Variants in PTGR1 observed in about 807,000 individuals in gnomAD.
PTGR1 encodes 15-oxoprostaglandin 13-reductase.
A neutral mutation model predicts 37.7 loss-of-function variants in PTGR1; 23 were observed. That is an observed-to-expected ratio of 0.61 (90% confidence interval 0.44 to 0.86). The LOEUF (loss-of-function observed/expected upper bound fraction) is 0.86, where lower values mean the gene tolerates loss of function less well. Among genes scored for constraint, PTGR1 ranks in the 40% least tolerant of loss-of-function variants. The pLI is 0.00. For missense variants in PTGR1, 351 were observed against 394.3 expected, an observed-to-expected ratio of 0.89 and a Z score of 0.93; for synonymous variants, 134 against 140.0, an observed-to-expected ratio of 0.96 and a Z score of 0.30.
chr9:111,549,797 G>T (rs1210107226), exon 10 of PTGR1: 41 of 1,527,652 alleles, frequency 2.7e-5, no homozygotes, highest in Non-Finnish European at 3.6e-5. Context: ...TTTCTCTTTT[G>T]ATCTGTCAAC....
intron 8 of PTGR1, among the ~76,000 whole-genome samples, chr9:111,573,431 G>T (rs1348690846): frequency 6.6e-6 from 1 of 152,168 alleles, no homozygotes; most frequent in Non-Finnish European, 1.5e-5. Context: ...CCATACAGTT[G>T]TGTGGTGGTT....
chr9:111,589,208 T>C (rs1376333921), intron 4 of PTGR1: 1 of 174,874 alleles, frequency 5.7e-6, no homozygotes, highest in Non-Finnish European at 1.1e-5. Context: ...ATAAGACCTA[T>C]ATGAAGAAAA....
chr9:111,570,512 T>C (rs1438154435), intron 8 of PTGR1, among the ~76,000 whole-genome samples: 2 of 152,038 alleles, frequency 1.3e-5, no homozygotes, highest in Non-Finnish European at 2.9e-5. Flanking sequence ...GGCTCACACC[T>C]GTAATCCCAG....
At chr9:111,586,727 C>G (rs1829439906) in intron 4 of PTGR1, among the ~76,000 whole-genome samples, 2 of 151,924 alleles carry the variant, frequency 1.3e-5, no homozygotes, top group African/African-American at 4.8e-5. Context: ...ACAACAACCT[C>G]CTGAGCACAA....
chr9:111,564,267 A>G (rs7036102), intron 9 of PTGR1: 36,874 of 842,874 alleles, frequency 0.044, 1,200 homozygotes, highest in African/African-American at 0.14. Context: ...GGGAAGCTGA[A>G]ATTTAAACTT....
chr9:111,586,801 CTCTATATA>C (rs1206348146), intron 4 of PTGR1, among the ~76,000 whole-genome samples: 1 of 146,940 alleles, frequency 6.8e-6, no homozygotes, highest in Admixed American at 6.8e-5. Flanking sequence ...CTCTCTCTCT[CTCTATATA>C]TATATATATA....
Position 111,551,417 on chromosome 9 carries a change from T to G in PTGR1, c.880-1618A>C, listed in dbSNP as rs545881114. On this transcript the variant is annotated intron_variant, in intron 9 of 9. Transcript: ENST00000538962. The stretch of plus-strand genomic sequence containing the variant: ...CAGTTTTTGTTTTTTTTTTTTTTTT[T>G]TTTTTTTTGAGATGGAGTCTCACTC... 3.7e-3 allele frequency among the ~76,000 whole-genome samples: 522 copies of G among 142,292 alleles called. 3 individuals are homozygous for G. Among genetic ancestry groups the G allele is most frequent in the African/African-American group, 0.013 (488 of 38,418 alleles). The allele number at this position is 142,292 out of a possible 152,430, so 93.3% of individuals were successfully genotyped here. A position where few individuals can be genotyped will look rare whatever the true frequency, so the allele number is the denominator to read the frequency against.
intron 9 of PTGR1, among the ~76,000 whole-genome samples, chr9:111,568,896 G>A (rs572060246): frequency 6.6e-6 from 1 of 152,314 alleles, no homozygotes; most frequent in East Asian, 1.9e-4. Context: ...GGTGGGAGAA[G>A]TGTTCAGATT....
At chr9:111,583,450 G>A (rs761240612) in intron 6 of PTGR1, 22 bp downstream of exon 6, 2 of 1,552,886 alleles carry the variant, frequency 1.3e-6, no homozygotes, top group South Asian at 1.1e-5. Context: ...ATAAAGGCTT[G>A]TTACTGGAGA....
At chr9:111,564,281 TTA>T (rs1828451925) in intron 9 of PTGR1, 10 of 297,546 alleles carry the variant, frequency 3.4e-5, no homozygotes, top group Middle Eastern at 1.4e-3. Flanking sequence ...TAAACTTTTA[TTA>T]TTATTATTAT....
intron 6 of PTGR1, among the ~76,000 whole-genome samples, chr9:111,581,600 T>G (rs1829282755): frequency 6.6e-6 from 1 of 152,106 alleles, no homozygotes; most frequent in Non-Finnish European, 1.5e-5. Flanking sequence ...GTAGAGCAAT[T>G]TTATAGAGCT....
intron 8 of PTGR1, among the ~76,000 whole-genome samples, chr9:111,573,913 A>G (rs566313946): frequency 6.6e-6 from 1 of 152,280 alleles, no homozygotes; most frequent in South Asian, 2.1e-4. Flanking sequence ...GCACCAGAGA[A>G]ATAAAACAAG....
At chr9:111,560,251 C>G (rs1354227913), downstream of PTGR1, among the ~76,000 whole-genome samples, 1 of 151,262 alleles carries the variant, frequency 6.6e-6, no homozygotes. Flanking sequence ...GAGGCCAAGG[C>G]GGGTGGATCA....
At chr9:111,566,212 T>A (rs1016932785) in intron 9 of PTGR1, among the ~76,000 whole-genome samples, 31 of 151,426 alleles carry the variant, frequency 2.0e-4, no homozygotes, top group Admixed American at 5.3e-4. Context: ...CAAAAATAAA[T>A]AAATAAATAA....
At chr9:111,554,302 CT>C (rs75000190) in intron 9 of PTGR1, among the ~76,000 whole-genome samples, 10,988 of 152,244 alleles carry the variant, frequency 0.072, 610 homozygotes, top group East Asian at 0.26. Context: ...CAACCTCTGT[CT>C]TAGAAGTCAC....
intron 5 of PTGR1, among the ~76,000 whole-genome samples, chr9:111,584,879 T>C (rs1829386363): frequency 6.6e-6 from 1 of 152,206 alleles, no homozygotes; most frequent in South Asian, 2.1e-4. Context: ...ACTGAGGTTT[T>C]CTCTTATTAC....
chr9:111,588,806 G>A (rs184789943), intron 4 of PTGR1, among the ~76,000 whole-genome samples: 12 of 152,234 alleles, frequency 7.9e-5, no homozygotes, highest in African/African-American at 1.2e-4. Flanking sequence ...GATTACAGGC[G>A]TGAGCCACTG....
At chr9:111,557,086 G>T (rs186122580) in intron 9 of PTGR1, among the ~76,000 whole-genome samples, 3 of 152,314 alleles carry the variant, frequency 2.0e-5, no homozygotes, top group African/African-American at 4.8e-5. Flanking sequence ...TTTCCCCATT[G>T]TCTTGGCTAT....
intron 1 of PTGR1, among the ~76,000 whole-genome samples, chr9:111,598,475 G>C (rs563390311): frequency 2.7e-4 from 41 of 152,256 alleles, no homozygotes; most frequent in Non-Finnish European, 5.0e-4. Flanking sequence ...GCCCGGGGTT[G>C]TTCCTTCTTT....
Sources: gnomAD v4.1 joint callset for allele counts (sites outside exome capture counted in the v4.1 genomes callset) on GRCh38, gnomAD v4.1.1 for gene constraint, MANE v1.5 for transcripts, NCBI Gene and HGNC (gene_info 2026-07-23, HGNC 2026-07-21) for gene names.